HELQ: variants seen among roughly 807,000 people sequenced by gnomAD.
The protein encoded by HELQ is helicase POLQ-like.
Under a neutral mutation model 111.6 loss-of-function variants are expected in HELQ, and 77 were observed. That is an observed-to-expected ratio of 0.69 (90% CI 0.57 to 0.83). The LOEUF (loss-of-function observed/expected upper bound fraction) is 0.83, where lower values mean the gene tolerates loss of function less well. HELQ is among the 40% of genes least tolerant of loss of function. The pLI is 0.00. For synonymous variants in HELQ, 438 were observed against 454.7 expected (o/e 0.96, Z 0.47); for missense variants, 1,200 against 1,288.5 (o/e 0.93, Z 1.05).
intron 16 of HELQ, among the ~76,000 whole-genome samples, chr4:83,417,572 G>T (rs140816179): frequency 6.6e-6 from 1 of 152,140 alleles, no homozygotes; most frequent in Non-Finnish European, 1.5e-5. Flanking sequence ...GTGTGTGTGC[G>T]TGTGTCCTAA....
At chr4:83,442,515 G>A (rs528601710) in intron 6 of HELQ, among the ~76,000 whole-genome samples, 21 of 151,568 alleles carry the variant, frequency 1.4e-4, no homozygotes, top group Middle Eastern at 3.4e-3. Context: ...GGGTTCAAGC[G>A]ATTCTCCTGC....
chr4:83,429,968 A>G (rs1720053075), intron 11 of HELQ, among the ~76,000 whole-genome samples: 1 of 152,156 alleles, frequency 6.6e-6, no homozygotes, highest in African/African-American at 2.4e-5. Flanking sequence ...TTATGAAAAC[A>G]TGTACTCATT....
intron 12 of HELQ, among the ~76,000 whole-genome samples, chr4:83,429,177 G>A (rs573976271): frequency 5.9e-5 from 9 of 151,910 alleles, no homozygotes; most frequent in South Asian, 2.1e-4. Flanking sequence ...ATGGAGTCTC[G>A]GCTCTGTTGC....
In HELQ at chr4:83,453,556, G is replaced by A. The variant is rs1398024066; in HGVS notation, c.687C>T (p.Asn229=). The A allele has an allele frequency of 2.5e-6, 4 of 1,613,494 alleles. No homozygotes were observed. The highest frequency in any genetic ancestry group is 1.7e-5 in the Admixed American group (1 of 59,914). Residue 229 remains asparagine (N), a synonymous_variant, in exon 2 of 18, where the codon AAC becomes AAT. Coordinates refer to ENST00000295488, the MANE Select transcript of HELQ (RefSeq NM_133636.5). ...KERDWKSSSH[N]TVNEELPHNC... ...TATGGGGCAGTTCCTCATTCACAGT[G>A]TTGTGAGAGGATGACTTCCAATCCC...
Position 83,455,681 on chromosome 4 carries a change from C to A in HELQ, c.13G>T (p.Gly5Cys). 6.2e-7 allele frequency: 1 copy of A among 1,607,802 alleles called. No individual in the cohort carries two copies. ...GACACCCGCCGGCGGATGCGGGAACCACATTCATCCATGGCAAGGACCCAG... is the reference window on the plus strand; with the variant it reads ...GACACCCGCCGGCGGATGCGGGAACAACATTCATCCATGGCAAGGACCCAG... MDECGSRIRRRVSLP... is the reference protein window; with the variant it reads MDECCSRIRRRVSLP... Residue 5 changes from glycine (G) to cysteine (C), a missense_variant, in exon 1 of 18, where the codon GGT becomes TGT. By Grantham distance (159) the Gly-to-Cys change is radical. Transcript: ENST00000295488.
intron 13 of HELQ, 119 bp from the exon 14 acceptor site, chr4:83,426,211 T>C: frequency 3.3e-6 from 2 of 612,990 alleles, no homozygotes; most frequent in Admixed American, 5.7e-5. Flanking sequence ...AAGATAAATA[T>C]ATTTGTAAAT....
At position 83,436,934 on chromosome 4, in the gene HELQ, C is replaced by A. The variant is rs775926153; in HGVS notation, c.1972G>T (p.Ala658Ser). The A allele has an allele frequency of 8.7e-6, 14 of 1,614,150 alleles. No homozygotes were observed. The South Asian group carries it at 1.5e-4, about 18-fold the overall frequency. Residue 658 changes from alanine to serine, a missense_variant, in exon 9 of 18, where the codon GCC (alanine) becomes TCC (serine). Coordinates refer to ENST00000295488, the MANE Select transcript of HELQ (RefSeq NM_133636.5). ...AGACAGAGCACTCCTGTGGAGTAGG[C>A]CTCCTCCAAGAGTTTCCTTTCATCA... ...TSDERKLLEEAYSTGVLCLFT... is the reference protein window; with the variant it reads ...TSDERKLLEESYSTGVLCLFT...
intron 15 of HELQ, among the ~76,000 whole-genome samples, chr4:83,420,305 C>T (rs1411016385): frequency 6.6e-6 from 1 of 152,174 alleles, no homozygotes; most frequent in Non-Finnish European, 1.5e-5. Context: ...AGCTGCCTGA[C>T]ACTGGAAGCA....
Position 83,453,320 on chromosome 4 carries a change from GAC to G in HELQ, c.921_922del (p.Glu307AspfsTer5). On this transcript the variant is annotated frameshift_variant, in exon 2 of 18. Coordinates refer to ENST00000295488, the MANE Select transcript of HELQ (RefSeq NM_133636.5). LOFTEE classifies it high-confidence loss of function. The stretch of plus-strand genomic sequence containing the variant: ...AAAAGGACCAAGGTCATTTGATGAT[GAC>G]TCAACTGTTTTCTTAGCAACATTAA... 1 of 1,613,788 alleles carries G rather than the reference GAC, an allele frequency of 6.2e-7. No homozygotes were observed. The highest frequency in any genetic ancestry group is 8.5e-7 in the Non-Finnish European group (1 of 1,179,788).
intron 11 of HELQ, among the ~76,000 whole-genome samples, chr4:83,430,122 C>T (rs1720061098): frequency 6.6e-6 from 1 of 150,654 alleles, no homozygotes; most frequent in Non-Finnish European, 1.5e-5. Flanking sequence ...TTCCACCCAA[C>T]TGTAAAAACA....
At chr4:83,432,886 AAAC>A (rs1057210115) in intron 9 of HELQ, among the ~76,000 whole-genome samples, 3 of 151,724 alleles carry the variant, frequency 2.0e-5, no homozygotes, top group South Asian at 2.1e-4. Context: ...GTCTCTACAA[AAAC>A]AACAACAACA....
intron 9 of HELQ, among the ~76,000 whole-genome samples, chr4:83,435,832 C>T (rs1720425048): frequency 2.6e-5 from 4 of 151,910 alleles, no homozygotes; most frequent in Admixed American, 2.6e-4. Context: ...TTGGTTACAA[C>T]TTAAAATTTT....
chr4:83,432,018 C>A (rs894825230), intron 10 of HELQ, 108 bp downstream of exon 10: 9 of 632,518 alleles, frequency 1.4e-5, no homozygotes, highest in Non-Finnish European at 2.2e-5. Flanking sequence ...AAGAAAGCAT[C>A]ATTTAAAGAA....
chr4:83,427,163 G>A lies in HELQ; in HGVS notation c.2676+400C>T, dbSNP rs377618978. Among the ~76,000 whole-genome samples, 97 of 151,940 alleles carry A rather than the reference G, an allele frequency of 6.4e-4. 2 individuals carry two copies. The East Asian group carries it at 0.016, about 26-fold the overall frequency. ...ACTTTCTGTGGGGAAATAGGACCAC[G>A]GATAATCTTTTTTTCTTTTTTTTAA... On this transcript the variant is annotated intron_variant, in intron 13 of 17. Transcript: ENST00000295488.
Position 83,448,919 on chromosome 4 carries a change from C to T in HELQ, c.1055G>A (p.Arg352Lys), listed in dbSNP as rs771177215. The T allele has an allele frequency of 9.3e-6, 15 of 1,610,988 alleles. No individual in the cohort carries two copies. In the East Asian group the frequency reaches 1.8e-4, roughly 19 times the overall value. The change falls in exon 3 of 18, where the codon AGA (arginine) becomes AAA (lysine). Residue 352 changes from arginine (R) to lysine (K), a missense_variant. By Grantham distance (26) the Arg-to-Lys change is conservative. Around this residue, in one of 3 missense-constraint regions of HELQ, gnomAD observed 610 missense variants for 607.1 expected, o/e 1.00. Coordinates refer to ENST00000295488, the MANE Select transcript of HELQ (RefSeq NM_133636.5). ...TGGCAAGGAATATATTAAATTTTTTCTTTCTTGCACAGAATTCAATGTTAA... is the reference window on the plus strand; with the variant it reads ...TGGCAAGGAATATATTAAATTTTTTTTTTCTTGCACAGAATTCAATGTTAA... Reference protein sequence around the residue: ...TCLTLNSVQERKNLIYSLPTS... With the variant: ...TCLTLNSVQEKKNLIYSLPTS...
chr4:83,413,633 T>C (rs1401187445), intron 17 of HELQ, among the ~76,000 whole-genome samples: 1 of 152,224 alleles, frequency 6.6e-6, no homozygotes, highest in East Asian at 1.9e-4. Context: ...AACGGTTTTC[T>C]AGTAACCAAC....
chr4:83,435,016 G>T (rs1219549955), intron 9 of HELQ, among the ~76,000 whole-genome samples: 1 of 152,180 alleles, frequency 6.6e-6, no homozygotes, highest in Non-Finnish European at 1.5e-5. Flanking sequence ...TGAATGAAAA[G>T]TAGTACTGTT....
intron 11 of HELQ, among the ~76,000 whole-genome samples, 162 bp downstream of exon 11, chr4:83,431,502 G>A (rs943183492): frequency 6.6e-6 from 1 of 150,854 alleles, no homozygotes; most frequent in African/African-American, 2.4e-5. Flanking sequence ...CACTGAAGGG[G>A]ATGAGAAAAC....
chr4:83,437,486 C>T (rs1720522576), intron 8 of HELQ, among the ~76,000 whole-genome samples: 1 of 151,658 alleles, frequency 6.6e-6, no homozygotes, highest in Middle Eastern at 3.4e-3. Context: ...GTGGTGCATG[C>T]ACCTGCAGTT....
Sources: gnomAD v4.1 joint callset for allele counts (sites outside exome capture counted in the v4.1 genomes callset) on GRCh38, gnomAD v4.1.1 for gene constraint, gnomAD v4.1.1 regional missense constraint, MANE v1.5 for transcripts, NCBI Gene and HGNC (gene_info 2026-07-23, HGNC 2026-07-21) for gene names.